The following SLTM variants were observed in gnomAD, a reference collection of about 807,000 sequenced individuals.
SLTM encodes SAFB-like transcription modulator.
Under a neutral mutation model 134.6 loss-of-function variants are expected in SLTM, and 43 were observed. The ratio of observed to expected loss-of-function variants is 0.32; its 90% CI spans 0.25 to 0.41. The LOEUF (loss-of-function observed/expected upper bound fraction) is 0.41. SLTM is among the 10% of genes least tolerant of loss of function. SLTM has a pLI of 1.00. For missense variants in SLTM, 1,055 were observed against 1,288.8 expected (o/e 0.82, Z 2.78); for synonymous variants, 424 against 432.3 (o/e 0.98, Z 0.24).
chr15:58,923,089 G>C (rs2037210553), intron 2 of SLTM, among the ~76,000 whole-genome samples: 1 of 152,130 alleles, frequency 6.6e-6, no homozygotes, highest in Non-Finnish European at 1.5e-5. Context: ...GGGCATGGTA[G>C]CTTGAACCTG....
chr15:58,892,520 T>C (rs1238669472), intron 14 of SLTM, among the ~76,000 whole-genome samples: 2 of 152,226 alleles, frequency 1.3e-5, no homozygotes, highest in Non-Finnish European at 1.5e-5. Flanking sequence ...ATGTTTTTTA[T>C]GGCAGCAGCT....
At chr15:58,903,149 C>G (rs2035612891) in intron 5 of SLTM, among the ~76,000 whole-genome samples, 1 of 152,144 alleles carries the variant, frequency 6.6e-6, no homozygotes, top group African/African-American at 2.4e-5. Flanking sequence ...ATCCACCCGC[C>G]TCAGCCTCCC....
intron 9 of SLTM, among the ~76,000 whole-genome samples, chr15:58,896,208 C>T (rs2035064783): frequency 6.6e-6 from 1 of 152,142 alleles, no homozygotes; most frequent in Non-Finnish European, 1.5e-5. Context: ...GAAAGCCTCC[C>T]CTTTTTAACA....
rs536190247 is a variant in SLTM at position 58,906,072 on chromosome 15, T to C, written c.562-4785A>G. Reference sequence around the variant, plus strand: ...TACTGTGCAGTATGTGCAGCAAGCATAGCACTAACCATAAGTCCTAAATAA... The same window carrying C: ...TACTGTGCAGTATGTGCAGCAAGCACAGCACTAACCATAAGTCCTAAATAA... On this transcript the variant is annotated intron_variant, in intron 5 of 20. Coordinates refer to ENST00000380516, the MANE Select transcript of SLTM (RefSeq NM_024755.4). Among the ~76,000 whole-genome samples the C allele has an allele frequency of 4.6e-5, 7 of 152,310 alleles. No individual in the cohort carries two copies. In the East Asian group the frequency reaches 1.3e-3, roughly 29 times the overall value.
chr15:58,911,985 A>G (rs2036303619), intron 5 of SLTM, among the ~76,000 whole-genome samples: 1 of 152,216 alleles, frequency 6.6e-6, no homozygotes, highest in South Asian at 2.1e-4. Flanking sequence ...AAAGACTAGT[A>G]ACCAGAGTTA....
chr15:58,904,450 GC>G (rs2035724824), intron 5 of SLTM, among the ~76,000 whole-genome samples: 1 of 151,946 alleles, frequency 6.6e-6, no homozygotes, highest in African/African-American at 2.4e-5. Flanking sequence ...TCGGCCATAA[GC>G]TAAGAAGTAA....
At chr15:58,886,659 G>T (rs2034234223) in intron 19 of SLTM, among the ~76,000 whole-genome samples, 2 of 152,086 alleles carry the variant, frequency 1.3e-5, no homozygotes, top group African/African-American at 4.8e-5. Flanking sequence ...TTCTTAAAAA[G>T]AAATAAAACC....
chr15:58,910,335 G>C (rs1328168589), intron 5 of SLTM, among the ~76,000 whole-genome samples: 1 of 152,136 alleles, frequency 6.6e-6, no homozygotes, highest in East Asian at 1.9e-4. Context: ...AGAAGCATTA[G>C]ATCATAATGG....
intron 1 of SLTM, 90 bp downstream of exon 1, chr15:58,933,313 GC>G: frequency 7.1e-7 from 1 of 1,398,976 alleles, no homozygotes; most frequent in South Asian, 1.4e-5. Context: ...CCCAGCGGCT[GC>G]GGGCAGCCGG....
intron 2 of SLTM, among the ~76,000 whole-genome samples, chr15:58,926,613 C>CTT (rs377711971): frequency 4.2e-5 from 6 of 141,728 alleles, no homozygotes; most frequent in African/African-American, 1.3e-4. Flanking sequence ...TCTGGATTAC[C>CTT]TTTTTTTTTT....
intron 5 of SLTM, among the ~76,000 whole-genome samples, chr15:58,907,443 G>A (rs1180404056): frequency 2.6e-5 from 4 of 152,092 alleles, no homozygotes; most frequent in South Asian, 2.1e-4. Context: ...GCAACAAGGC[G>A]AACCCCCATC....
chr15:58,911,294 TC>T (rs1411455239), intron 5 of SLTM, among the ~76,000 whole-genome samples: 2 of 152,048 alleles, frequency 1.3e-5, no homozygotes, highest in African/African-American at 4.8e-5. Flanking sequence ...GCTGAGACAA[TC>T]AACTAAGTAG....
At chr15:58,898,758 T>A (rs775667856) in intron 8 of SLTM, 45 bp downstream of exon 8, 1 of 1,442,326 alleles carries the variant, frequency 6.9e-7, no homozygotes, top group Non-Finnish European at 9.6e-7. Context: ...TTAATGAAAA[T>A]ACACAATGTC....
intron 5 of SLTM, among the ~76,000 whole-genome samples, chr15:58,909,167 C>T (rs539208656): frequency 1.3e-5 from 2 of 152,066 alleles, no homozygotes; most frequent in South Asian, 2.1e-4. Context: ...TCTTTACATA[C>T]CAGCAAGCAA....
chr15:58,890,217 G>C, intron 15 of SLTM, 64 bp downstream of exon 15: 1 of 1,575,346 alleles, frequency 6.3e-7, no homozygotes, highest in Non-Finnish European at 8.7e-7. Flanking sequence ...GCAAGTTTTA[G>C]GGCTAAAATC....
At chr15:58,921,115 G>T (rs112151574) in intron 2 of SLTM, among the ~76,000 whole-genome samples, 2 of 152,274 alleles carry the variant, frequency 1.3e-5, no homozygotes, top group African/African-American at 4.8e-5. Context: ...AACAAAAACA[G>T]CAGTCATTAC....
chr15:58,886,218 AGTGTGTGTGTGTGTGT>A (rs60261686), intron 19 of SLTM, among the ~76,000 whole-genome samples: 7,632 of 124,470 alleles, frequency 0.061, 315 homozygotes, highest in African/African-American at 0.11. Flanking sequence ...GAAAAAGAAG[AGTGTGTGTGTGTGTGT>A]GTGTGTGTGT....
intron 2 of SLTM, among the ~76,000 whole-genome samples, chr15:58,928,622 GA>G (rs1446836473): frequency 6.7e-6 from 1 of 150,198 alleles, no homozygotes; most frequent in Non-Finnish European, 1.5e-5. Context: ...TCTCTAAATA[GA>G]ATCATTTTAA....
chr15:58,888,356 A>G, intron 17 of SLTM, 29 bp downstream of exon 17: 1 of 1,553,672 alleles, frequency 6.4e-7, no homozygotes, highest in Non-Finnish European at 8.7e-7. Flanking sequence ...GGCTCATAAA[A>G]TAAATATAAC....
Sources: allele counts gnomAD v4.1 joint callset (sites outside exome capture counted in the v4.1 genomes callset), GRCh38; gene constraint gnomAD v4.1.1; transcripts MANE v1.5; gene names NCBI Gene and HGNC (gene_info 2026-07-23, HGNC 2026-07-21).